The following PSD3 variants were observed in gnomAD, a reference collection of about 807,000 sequenced individuals.
PSD3 encodes the protein PH and SEC7 domain-containing protein 3.
PSD3 carries 49 observed loss-of-function variants against 105.5 expected under a neutral mutation model. The ratio of observed to expected loss-of-function variants is 0.46; its 90% CI spans 0.37 to 0.59. The LOEUF (loss-of-function observed/expected upper bound fraction) is 0.59, where lower values mean the gene tolerates loss of function less well. Among genes scored for constraint, PSD3 ranks in the 20% least tolerant of loss-of-function variants. The pLI, the probability that PSD3 is intolerant of heterozygous loss-of-function variation, is 0.00. For missense variants in PSD3, 1,561 were observed against 1,263.8 expected, an observed-to-expected ratio of 1.24 and a Z score of -3.57; for synonymous variants, 557 against 457.8, an observed-to-expected ratio of 1.22 and a Z score of -2.77.
At chr8:18,762,240 G>A (rs1257160862) in intron 9 of PSD3, among the ~76,000 whole-genome samples, 1 of 152,070 alleles carries the variant, frequency 6.6e-6, no homozygotes, top group East Asian at 1.9e-4. Context: ...CTGAGCTATG[G>A]TTATTTAACA....
chr8:18,675,945 T>A (rs748773081), intron 9 of PSD3, among the ~76,000 whole-genome samples: 1 of 152,174 alleles, frequency 6.6e-6, no homozygotes, highest in Non-Finnish European at 1.5e-5. Flanking sequence ...AAGCCAGGCA[T>A]GATCTAACAA....
intron 15 of PSD3, among the ~76,000 whole-genome samples, chr8:18,539,686 T>A (rs1032657414): frequency 5.9e-5 from 9 of 151,828 alleles, no homozygotes; most frequent in Middle Eastern, 3.4e-3. Context: ...TAGCTGGGAC[T>A]GCAGGCGTGC....
At chr8:18,757,837 T>C (rs1806184872) in intron 9 of PSD3, among the ~76,000 whole-genome samples, 1 of 152,252 alleles carries the variant, frequency 6.6e-6, no homozygotes, top group Non-Finnish European at 1.5e-5. Context: ...TCAGTGTTTT[T>C]AATACTGTTA....
intron 15 of PSD3, among the ~76,000 whole-genome samples, chr8:18,540,479 A>T (rs1369765438): frequency 6.6e-6 from 1 of 152,182 alleles, no homozygotes; most frequent in Non-Finnish European, 1.5e-5. Flanking sequence ...ATAATTCTTA[A>T]GTGGTGAAGA....
At chr8:18,853,273 C>G (rs1371901521) in intron 4 of PSD3, among the ~76,000 whole-genome samples, 1 of 152,128 alleles carries the variant, frequency 6.6e-6, no homozygotes, top group African/African-American at 2.4e-5. Flanking sequence ...CAAGCAATGC[C>G]AATGTTACCA....
intron 9 of PSD3, among the ~76,000 whole-genome samples, chr8:18,661,694 CT>C (rs1809360451): frequency 1.3e-5 from 2 of 151,966 alleles, no homozygotes; most frequent in African/African-American, 2.4e-5. Flanking sequence ...AGGGTTATGA[CT>C]TTTTTTTCTT....
At chr8:19,027,832 C>T (rs1374612594) in intron 1 of PSD3, among the ~76,000 whole-genome samples, 1 of 152,068 alleles carries the variant, frequency 6.6e-6, no homozygotes, top group African/African-American at 2.4e-5. Context: ...TTTGTTTTTC[C>T]ACTCACCAGT....
At chr8:18,551,507 A>T (rs779277238) in intron 15 of PSD3, among the ~76,000 whole-genome samples, 8 of 152,210 alleles carry the variant, frequency 5.3e-5, no homozygotes, top group Non-Finnish European at 8.8e-5. Context: ...ATCATGCTTC[A>T]AGAATGTCCT....
chr8:18,911,131 G>C lies in PSD3; in HGVS notation c.130+24903C>G, dbSNP rs544078185. On this transcript the variant is annotated intron_variant, in intron 2 of 15. Transcript: ENST00000327040. ...AATCAATCAGTCAACCAATAAAACA[G>C]ATAAAAGAGGGAGTGTTTTCGGTAG... Among the ~76,000 whole-genome samples, 80 of 152,114 alleles carry C rather than the reference G, an allele frequency of 5.3e-4. 2 individuals are homozygous for C. In the South Asian group the frequency reaches 0.016, roughly 31 times the overall value.
intron 1 of PSD3, among the ~76,000 whole-genome samples, chr8:18,938,239 G>A (rs146984728): frequency 0.04 from 6,108 of 152,258 alleles, 172 homozygotes; most frequent in South Asian, 0.064. Flanking sequence ...CGAGAACAGG[G>A]AAGTTTGGAG....
intron 11 of PSD3, among the ~76,000 whole-genome samples, chr8:18,626,470 G>A (rs1169041228): frequency 1.4e-4 from 21 of 152,070 alleles, no homozygotes; most frequent in Non-Finnish European, 2.5e-4. Context: ...ATCAAAGTAA[G>A]TATTTAGAAA....
At position 18,632,644 on chromosome 8, in the gene PSD3, C is replaced by T; in HGVS notation, c.2379G>A (p.Arg793=). The change falls in exon 11 of 16, where the codon CGG becomes CGA. Residue 793 remains arginine (R), a synonymous_variant. Coordinates refer to ENST00000327040, the MANE Select transcript of PSD3 (RefSeq NM_015310.4). ...TTCCATCCATATCTGCATGAATTTT[C>T]CGAGCCAAGAATCCACTTTTGTACA... ...AAVYKSGFLA[R]KIHADMDGKK... is the part of the protein sequence containing the mutation. 1 of 1,612,274 alleles carries T rather than the reference C, an allele frequency of 6.2e-7. No homozygotes were observed. The highest frequency in any genetic ancestry group is 1.3e-5 in the African/African-American group (1 of 74,916).
chr8:18,954,334 G>A (rs1823422607), intron 1 of PSD3, among the ~76,000 whole-genome samples: 1 of 151,958 alleles, frequency 6.6e-6, no homozygotes, highest in African/African-American at 2.4e-5. Flanking sequence ...AAATTTCTAT[G>A]AGAATGTACT....
At chr8:18,821,527 T>A (rs139620540) in intron 4 of PSD3, among the ~76,000 whole-genome samples, 40 of 152,256 alleles carry the variant, frequency 2.6e-4, no homozygotes, top group South Asian at 1.7e-3. Flanking sequence ...CTAACAAAAT[T>A]ACAAGCTCTT....
chr8:18,548,955 T>A (rs147503307), intron 15 of PSD3, among the ~76,000 whole-genome samples: 76 of 152,220 alleles, frequency 5.0e-4, no homozygotes, highest in Middle Eastern at 3.4e-3. Context: ...GTTGCCTTAA[T>A]ATTCTGAGTG....
chr8:18,680,991 A>G (rs1335210348), intron 9 of PSD3, among the ~76,000 whole-genome samples: 2 of 49,570 alleles, frequency 4.0e-5, no homozygotes, highest in Non-Finnish European at 2.5e-4. Context: ...ATTTGAATAA[A>G]CCATTATGTT....
chr8:19,023,369 G>T (rs1187794400), intron 1 of PSD3, among the ~76,000 whole-genome samples: 1 of 151,950 alleles, frequency 6.6e-6, no homozygotes, highest in Admixed American at 6.6e-5. Context: ...GCCATAGGTA[G>T]TTAGTGGCTA....
intron 1 of PSD3, among the ~76,000 whole-genome samples, chr8:19,007,264 T>TAGAG (rs139766444): frequency 0.098 from 14,111 of 144,264 alleles, 792 homozygotes; most frequent in African/African-American, 0.12. Flanking sequence ...AAAAAATAAA[T>TAGAG]AGAGAGAGAG....
intron 2 of PSD3, 37 bp downstream of exon 2, chr8:18,935,997 T>C (rs890828076): frequency 1.5e-5 from 20 of 1,345,016 alleles, no homozygotes; most frequent in Middle Eastern, 1.8e-4. Flanking sequence ...GCTCTTCATA[T>C]AGTTTACCTG....
Sources: allele counts gnomAD v4.1 joint callset (sites outside exome capture counted in the v4.1 genomes callset), GRCh38; gene constraint gnomAD v4.1.1; transcripts MANE v1.5; gene names NCBI Gene and HGNC (gene_info 2026-07-23, HGNC 2026-07-21).